Variants in CNTN5 observed in about 807,000 individuals in gnomAD.
The protein encoded by CNTN5 is contactin 5, also known as contactin-5.
A neutral mutation model predicts 129.1 loss-of-function variants in CNTN5; 77 were observed. The ratio of observed to expected loss-of-function variants is 0.60; its 90% confidence interval spans 0.50 to 0.72. The LOEUF (loss-of-function observed/expected upper bound fraction) is 0.72, where lower values mean the gene tolerates loss of function less well. Among genes scored for constraint, CNTN5 ranks in the 30% least tolerant of loss-of-function variants. The pLI is 0.00. For missense variants in CNTN5, 1,478 were observed against 1,328.8 expected, an observed-to-expected ratio of 1.11 and a Z score of -1.75; for synonymous variants, 509 against 465.6, an observed-to-expected ratio of 1.09 and a Z score of -1.20.
chr11:99,946,751 T>A (rs1373052068), intron 7 of CNTN5, among the ~76,000 whole-genome samples: 1 of 151,918 alleles, frequency 6.6e-6, no homozygotes, highest in Non-Finnish European at 1.5e-5. Context: ...AATATGACAA[T>A]TTTTTCCAAG....
At chr11:99,665,076 T>C (rs1309189088) in intron 3 of CNTN5, among the ~76,000 whole-genome samples, 1 of 152,194 alleles carries the variant, frequency 6.6e-6, no homozygotes, top group Non-Finnish European at 1.5e-5. Flanking sequence ...ATTGAATATA[T>C]AGTTCGCTAT....
intron 8 of CNTN5, among the ~76,000 whole-genome samples, chr11:99,979,813 A>C (rs1384207581): frequency 6.6e-6 from 1 of 152,216 alleles, no homozygotes; most frequent in African/African-American, 2.4e-5. Flanking sequence ...TACATGGAAT[A>C]CAATTCATTC....
chr11:99,292,989 G>GC (rs1341227138), intron 1 of CNTN5, among the ~76,000 whole-genome samples: 2 of 152,214 alleles, frequency 1.3e-5, no homozygotes, highest in African/African-American at 2.4e-5. Context: ...CACTTAATAG[G>GC]CCCCCCTTTA....
chr11:99,694,063 G>A (rs572247705), intron 3 of CNTN5, among the ~76,000 whole-genome samples: 9 of 152,018 alleles, frequency 5.9e-5, no homozygotes, highest in East Asian at 1.9e-4. Flanking sequence ...TAATGTTGCC[G>A]AGAACCATAA....
intron 16 of CNTN5, among the ~76,000 whole-genome samples, chr11:100,232,926 T>A (rs980415967): frequency 6.6e-5 from 10 of 152,180 alleles, no homozygotes; most frequent in African/African-American, 2.2e-4. Context: ...AATAATTATT[T>A]CACTTTATTT....
chr11:99,041,462 C>A (rs1378704242), intron 1 of CNTN5, among the ~76,000 whole-genome samples: 1 of 152,156 alleles, frequency 6.6e-6, no homozygotes, highest in African/African-American at 2.4e-5. Flanking sequence ...GCCTTACTTT[C>A]CTCCTCTGTG....
At chr11:99,834,726 T>C (rs1305655785) in intron 4 of CNTN5, among the ~76,000 whole-genome samples, 1 of 152,210 alleles carries the variant, frequency 6.6e-6, no homozygotes, top group East Asian at 1.9e-4. Flanking sequence ...CCATTCCATA[T>C]TGTTTTTCTC....
intron 6 of CNTN5, among the ~76,000 whole-genome samples, chr11:99,915,319 A>G (rs1005894462): frequency 2.6e-5 from 4 of 152,122 alleles, no homozygotes; most frequent in African/African-American, 9.6e-5. Flanking sequence ...TCCCTTTTGG[A>G]CCATTTTCTT....
intron 3 of CNTN5, among the ~76,000 whole-genome samples, chr11:99,591,522 T>G (rs1949979983): frequency 6.6e-6 from 1 of 151,938 alleles, no homozygotes; most frequent in Admixed American, 6.6e-5. Flanking sequence ...GTATTTTTAG[T>G]AGAGATGGGG....
At chr11:100,171,782 G>C (rs1947833634) in intron 13 of CNTN5, among the ~76,000 whole-genome samples, 1 of 151,816 alleles carries the variant, frequency 6.6e-6, no homozygotes. Flanking sequence ...AATACTTCCA[G>C]GGGAAAACGA....
intron 13 of CNTN5, among the ~76,000 whole-genome samples, chr11:100,087,853 G>T (rs1346850578): frequency 6.6e-6 from 1 of 151,464 alleles, no homozygotes; most frequent in Non-Finnish European, 1.5e-5. Context: ...ACACTTCCAA[G>T]ATCTACCACA....
At chr11:99,710,366 A>G (rs663120) in intron 3 of CNTN5, among the ~76,000 whole-genome samples, 132,460 of 151,818 alleles carry the variant, frequency 0.87, 57,896 homozygotes, top group Middle Eastern at 0.89. Context: ...TTTTGTTCTA[A>G]ATAATCTCAT....
intron 15 of CNTN5, among the ~76,000 whole-genome samples, chr11:100,210,174 C>CA (rs59613776): frequency 0.1 from 8,351 of 80,940 alleles, 312 homozygotes; most frequent in Non-Finnish European, 0.12. Flanking sequence ...TGCCTCTATA[C>CA]AAAAAAAAAA....
At chr11:100,118,495 C>T (rs1354070086) in intron 13 of CNTN5, among the ~76,000 whole-genome samples, 3 of 151,894 alleles carry the variant, frequency 2.0e-5, no homozygotes, top group South Asian at 4.1e-4. Flanking sequence ...TAATAAATTA[C>T]TGCTCACAAA....
rs567940778 is a variant in CNTN5, at chr11:100,049,991, A to G, written c.981-11221A>G. Among the ~76,000 whole-genome samples, 8 of 152,300 alleles carry G rather than the reference A, an allele frequency of 5.3e-5. No individual in the cohort carries two copies. The East Asian group carries it at 1.5e-3, about 29-fold the overall frequency. ...CAGGAAACAACAGGTGCTGGAGAGGATGTGGAGAAACAGGAACACTTTTAC... is the reference window on the plus strand; with the variant it reads ...CAGGAAACAACAGGTGCTGGAGAGGGTGTGGAGAAACAGGAACACTTTTAC... On this transcript the variant is annotated intron_variant, in intron 9 of 24. Coordinates refer to ENST00000524871, the MANE Select transcript of CNTN5 (RefSeq NM_014361.4).
At chr11:100,280,420 T>G (rs972973474) in intron 18 of CNTN5, among the ~76,000 whole-genome samples, 2 of 152,100 alleles carry the variant, frequency 1.3e-5, no homozygotes, top group Non-Finnish European at 2.9e-5. Context: ...CACCCCTTTA[T>G]CTTTATATGG....
chr11:99,707,120 G>A (rs528402396), intron 3 of CNTN5, among the ~76,000 whole-genome samples: 27 of 151,480 alleles, frequency 1.8e-4, no homozygotes, highest in African/African-American at 5.6e-4. Context: ...CTGAAATACT[G>A]CTCTGTCAGA....
chr11:99,890,240 A>C (rs189878381), intron 6 of CNTN5, among the ~76,000 whole-genome samples: 109 of 152,330 alleles, frequency 7.2e-4, no homozygotes, highest in Non-Finnish European at 1.2e-3. Context: ...AGCCAATTGA[A>C]AGAGCTCACA....
At chr11:99,557,879 A>G (rs1948724091) in intron 3 of CNTN5, among the ~76,000 whole-genome samples, 1 of 151,774 alleles carries the variant, frequency 6.6e-6, no homozygotes. Flanking sequence ...ACTCATCTAA[A>G]TGCTTTTACA....
Sources: allele counts gnomAD v4.1 joint callset (sites outside exome capture counted in the v4.1 genomes callset), GRCh38; gene constraint gnomAD v4.1.1; transcripts MANE v1.5; gene names NCBI Gene and HGNC (gene_info 2026-07-23, HGNC 2026-07-21).